RAB5A: variants seen among roughly 807,000 people sequenced by gnomAD.
RAB5A encodes the protein ras-related protein Rab-5A.
A neutral mutation model predicts 25.7 loss-of-function variants in RAB5A; 8 were observed. The observed-to-expected ratio is 0.31, with a 90% CI of 0.18 to 0.56. The LOEUF (loss-of-function observed/expected upper bound fraction) is 0.56, where lower values mean the gene tolerates loss of function less well. RAB5A is among the 20% of genes least tolerant of loss of function. RAB5A has a pLI of 0.91. For synonymous variants in RAB5A, 98 were observed against 89.8 expected (o/e 1.09, Z -0.52); for missense variants, 192 against 259.7 (o/e 0.74, Z 1.79).
At position 19,947,254 on chromosome 3, in the gene RAB5A, G is replaced by T; in HGVS notation, c.-361G>T. 1 of 170,756 alleles carries T rather than the reference G, an allele frequency of 5.9e-6. No homozygotes were observed. The highest frequency in any genetic ancestry group is 9.7e-5 in the South Asian group (1 of 10,334). The allele number at this position is 170,756 out of a possible 1,614,324, so 10.6% of individuals were successfully genotyped here. A position where few individuals can be genotyped will look rare whatever the true frequency, so the allele number is the denominator to read the frequency against. On this transcript the variant is annotated 5_prime_UTR_variant, in exon 1 of 6. Coordinates refer to ENST00000273047, the MANE Select transcript of RAB5A (RefSeq NM_004162.5). ...GGAGGAGGAGGAGGAAGAATTAGTC[G>T]GAACTCCAGCGCCGGCGGCGGCGGC...
chr3:19,963,366 C>CA (rs1696616589), intron 2 of RAB5A, among the ~76,000 whole-genome samples: 1 of 12,098 alleles, frequency 8.3e-5, no homozygotes, highest in South Asian at 4.0e-3. Flanking sequence ...AGAATTTCAC[C>CA]CCCCCCCCCC....
chr3:19,962,621 C>T (rs936156429), intron 2 of RAB5A, among the ~76,000 whole-genome samples: 3 of 151,904 alleles, frequency 2.0e-5, no homozygotes, highest in Admixed American at 6.6e-5. Context: ...AAAGAACGTC[C>T]GCATTTTTCT....
intron 5 of RAB5A, among the ~76,000 whole-genome samples, chr3:19,982,436 GTCCT>G (rs1438877726): frequency 6.6e-6 from 1 of 152,168 alleles, no homozygotes; most frequent in African/African-American, 2.4e-5. Context: ...GGTGTTATCT[GTCCT>G]TCCTTTGCCC....
chr3:19,976,459 G>T (rs994986147), intron 4 of RAB5A, among the ~76,000 whole-genome samples: 1 of 152,174 alleles, frequency 6.6e-6, no homozygotes, highest in African/African-American at 2.4e-5. Context: ...GCCGAGGTGG[G>T]TGGATCACCT....
intron 2 of RAB5A, among the ~76,000 whole-genome samples, chr3:19,967,040 C>T (rs1696671842): frequency 6.6e-6 from 1 of 152,306 alleles, no homozygotes; most frequent in East Asian, 1.9e-4. Flanking sequence ...GTTCTATTGC[C>T]TTGGCCTTCC....
chr3:19,967,759 C>T (rs1696681570), intron 2 of RAB5A, among the ~76,000 whole-genome samples: 1 of 151,910 alleles, frequency 6.6e-6, no homozygotes, highest in Non-Finnish European at 1.5e-5. Context: ...CTGAGTAATA[C>T]TTAGCCCTAT....
intron 2 of RAB5A, among the ~76,000 whole-genome samples, chr3:19,956,779 C>A (rs1696508719): frequency 6.6e-6 from 1 of 152,138 alleles, no homozygotes; most frequent in African/African-American, 2.4e-5. Context: ...ATAGCTATTA[C>A]AGTTACCATC....
intron 2 of RAB5A, among the ~76,000 whole-genome samples, chr3:19,968,159 C>T (rs1032218202): frequency 2.6e-5 from 4 of 152,072 alleles, no homozygotes; most frequent in Non-Finnish European, 4.4e-5. Flanking sequence ...AAGACCCTTT[C>T]TCCCCTCTCT....
chr3:19,954,817 AAAAAC>A (rs578143384), intron 2 of RAB5A, among the ~76,000 whole-genome samples: 99 of 152,252 alleles, frequency 6.5e-4, no homozygotes, highest in Non-Finnish European at 1.3e-3. Flanking sequence ...ACCCTGTCTC[AAAAAC>A]AAAACAAAAC....
rs749444935 is a variant in RAB5A at position 19,950,889 on chromosome 3, A to G, written c.-10A>G. ...GAGTCTGAAATTAGGGACTTATTTC[A>G]AATTTGGACATGGCTAGTCGAGGCG... On this transcript the variant is annotated 5_prime_UTR_variant, in exon 2 of 6. Transcript: ENST00000273047. 8 of 1,599,762 alleles carry G rather than the reference A, an allele frequency of 5.0e-6. No homozygotes were observed. The highest frequency in any genetic ancestry group is 6.8e-6 in the Non-Finnish European group (8 of 1,171,484).
At chr3:19,956,081 G>A (rs1009682076) in intron 2 of RAB5A, among the ~76,000 whole-genome samples, 22 of 152,050 alleles carry the variant, frequency 1.4e-4, no homozygotes, top group Non-Finnish European at 2.8e-4. Context: ...CTCTACTTAG[G>A]GAGTACCCAT....
rs923511317 is a variant in RAB5A at position 19,947,136 on chromosome 3, C to G, written c.-479C>G. 25 of 155,912 alleles carry G rather than the reference C, an allele frequency of 1.6e-4. No individual in the cohort carries two copies. Among genetic ancestry groups the G allele is most frequent in the Non-Finnish European group, 3.3e-4 (23 of 70,628 alleles). 9.7% of individuals were successfully genotyped at this position (155,912 alleles called of 1,614,324 possible). ...AGCGACGTGGCGGCGGGGCCGGCAC[C>G]GGGCAGCGGAAGTGGCTCCGGCGGT... On this transcript the variant is annotated 5_prime_UTR_variant, in exon 1 of 6. Coordinates refer to ENST00000273047, the MANE Select transcript of RAB5A (RefSeq NM_004162.5).
At chr3:19,963,364 A>AACCCCCCC in intron 2 of RAB5A, among the ~76,000 whole-genome samples, 1 of 60,960 alleles carries the variant, frequency 1.6e-5, no homozygotes, top group African/African-American at 6.9e-5. Context: ...TTAGAATTTC[A>AACCCCCCC]CCCCCCCCCC....
In RAB5A at chr3:19,983,744, G is replaced by C; in HGVS notation, c.569G>C (p.Gly190Ala). 1 of 1,612,186 alleles carries C rather than the reference G, an allele frequency of 6.2e-7. No individual in the cohort carries two copies. The highest frequency in any genetic ancestry group is 8.5e-7 in the Non-Finnish European group (1 of 1,178,880). The change falls in exon 6 of 6, where the codon GGA becomes GCA. Residue 190 changes from glycine (G) to alanine (A), a missense_variant. Physicochemically the swap from Gly to Ala is moderately conservative, Grantham distance 60. This residue lies in a region of RAB5A where 121 missense variants were observed against 135.7 expected (regional missense o/e 0.89). Coordinates refer to ENST00000273047, the MANE Select transcript of RAB5A (RefSeq NM_004162.5). ...KLPKNEPQNPGANSARGRGVD... is the reference protein window; with the variant it reads ...KLPKNEPQNPAANSARGRGVD... ...CCAAAGAATGAACCACAAAATCCAG[G>C]AGCAAATTCTGCCAGAGGAAGAGGA...
At position 19,947,263 on chromosome 3, in the gene RAB5A, G is replaced by GCGC. The variant is rs1350371520; in HGVS notation, c.-349_-347dup. The GCGC allele has an allele frequency of 1.2e-5, 2 of 171,338 alleles. No individual in the cohort carries two copies. Among genetic ancestry groups the GCGC allele is most frequent in the South Asian group, 8.1e-5 (1 of 12,296 alleles). 10.6% of individuals were successfully genotyped at this position (171,338 alleles called of 1,614,324 possible). ...GGAGGAAGAATTAGTCGGAACTCCA[G>GCGC]CGCCGGCGGCGGCGGCGGCGGCGGA... On this transcript the variant is annotated 5_prime_UTR_variant, in exon 1 of 6. Coordinates refer to ENST00000273047, the MANE Select transcript of RAB5A (RefSeq NM_004162.5).
At chr3:19,965,645 TC>T (rs1322457883) in intron 2 of RAB5A, among the ~76,000 whole-genome samples, 2 of 152,212 alleles carry the variant, frequency 1.3e-5, no homozygotes, top group African/African-American at 4.8e-5. Flanking sequence ...TGCAGGATCT[TC>T]CCTGTGTATC....
At chr3:19,951,813 A>G (rs923286876) in intron 2 of RAB5A, among the ~76,000 whole-genome samples, 5 of 150,852 alleles carry the variant, frequency 3.3e-5, no homozygotes, top group African/African-American at 9.8e-5. Flanking sequence ...CTGTGATTAC[A>G]GGTGCTCCCT....
At chr3:19,972,663 T>G (rs1020038189) in intron 2 of RAB5A, among the ~76,000 whole-genome samples, 10 of 152,336 alleles carry the variant, frequency 6.6e-5, no homozygotes, top group African/African-American at 2.4e-4. Flanking sequence ...CTTTTTGTAA[T>G]TTGTTTAAAT....
At chr3:19,969,792 GT>G (rs1445449746) in intron 2 of RAB5A, among the ~76,000 whole-genome samples, 4 of 152,028 alleles carry the variant, frequency 2.6e-5, no homozygotes, top group African/African-American at 9.7e-5. Flanking sequence ...TAGTTATGGG[GT>G]GGCGGTTACT....
Sources: gnomAD v4.1 joint callset for allele counts (sites outside exome capture counted in the v4.1 genomes callset) on GRCh38, gnomAD v4.1.1 for gene constraint, gnomAD v4.1.1 regional missense constraint, MANE v1.5 for transcripts, NCBI Gene and HGNC (gene_info 2026-07-23, HGNC 2026-07-21) for gene names.